ZSCAN5B: variants seen among roughly 807,000 people sequenced by gnomAD.
The protein encoded by ZSCAN5B is zinc finger and SCAN domain-containing protein 5B.
ZSCAN5B carries 26 observed loss-of-function variants against 25.2 expected under a neutral mutation model. That is an observed-to-expected ratio of 1.03 (90% CI 0.76 to 1.43). ZSCAN5B has a LOEUF of 1.43. Among genes scored for constraint, ZSCAN5B ranks in the 40% most tolerant of loss-of-function variants. The pLI is 0.00. For synonymous variants in ZSCAN5B, 244 were observed against 240.9 expected, an observed-to-expected ratio of 1.01 and a Z score of -0.12; for missense variants, 745 against 622.1, an observed-to-expected ratio of 1.20 and a Z score of -2.10.
At position 56,193,265 on chromosome 19, in the gene ZSCAN5B, C is replaced by T. The variant is rs965737784; in HGVS notation, c.-127-86G>A. Reference sequence around the variant, plus strand: ...CCAAATCCCTCATCCCAATCCTGGACCCCACTTGTCCATGGGCATCGGACT... The same window carrying T: ...CCAAATCCCTCATCCCAATCCTGGATCCCACTTGTCCATGGGCATCGGACT... On this transcript the variant is annotated intron_variant, in intron 1 of 4. Coordinates refer to ENST00000586855, the Ensembl canonical transcript of ZSCAN5B. 9 of 552,084 alleles carry T rather than the reference C, an allele frequency of 1.6e-5. 1 individual carries two copies. The highest frequency in any genetic ancestry group is 9.4e-5 in the African/African-American group (5 of 53,284). The allele number at this position is 552,084 out of a possible 1,614,324, so 34.2% of individuals were successfully genotyped here. A position where few individuals can be genotyped will look rare whatever the true frequency, so the allele number is the denominator to read the frequency against.
exon 5 of ZSCAN5B, chr19:56,190,247 T>G (rs377366357): frequency 6.2e-7 from 1 of 1,614,080 alleles, no homozygotes; most frequent in African/African-American, 1.3e-5. Flanking sequence ...ACACGTCACA[T>G]GCAAAGGGCG....
chr19:56,189,956 G>T (rs1399318748), exon 5 of ZSCAN5B: 4 of 1,614,018 alleles, frequency 2.5e-6, no homozygotes, highest in Non-Finnish European at 3.4e-6. Context: ...GAACGTTCAG[G>T]TTCCCCTTGT....
At chr19:56,197,022 C>G (rs1358827939) in intron 1 of ZSCAN5B, among the ~76,000 whole-genome samples, 1 of 152,036 alleles carries the variant, frequency 6.6e-6, no homozygotes, top group East Asian at 1.9e-4. Flanking sequence ...TGTGCTCCTG[C>G]AGCCCCAGCT....
rs1318487280 is a variant in ZSCAN5B at position 56,189,932 on chromosome 19, G to T, written c.1383C>A (p.His461Gln). Residue 461 changes from histidine (H) to glutamine (Q), a missense_variant, in exon 5 of 5, where the codon CAC (histidine) becomes CAA (glutamine). Transcript: ENST00000586855. ...GACATTTGTAGGGCTTCTCTCCGGA[G>T]TGGGTGCGCTGGTGAACGTTCAGGT... is the stretch of plus-strand genomic sequence containing the variant. The T allele has an allele frequency of 1.9e-6, 3 of 1,613,958 alleles. No individual in the cohort carries two copies. The highest frequency in any genetic ancestry group is 3.3e-5 in the Admixed American group (2 of 59,996).
intron 3 of ZSCAN5B, 30 bp downstream of exon 3, chr19:56,191,820 T>C (rs745899396): frequency 1.2e-6 from 2 of 1,608,326 alleles, no homozygotes; most frequent in Non-Finnish European, 1.7e-6. Flanking sequence ...CTCCCACCTC[T>C]GCCCAGACAC....
chr19:56,195,795 G>A (rs943090384), intron 1 of ZSCAN5B, among the ~76,000 whole-genome samples: 7 of 152,118 alleles, frequency 4.6e-5, no homozygotes, highest in Non-Finnish European at 7.3e-5. Flanking sequence ...GTACACTCAC[G>A]TAACAAATCT....
At chr19:56,193,761 G>C (rs942850480) in intron 1 of ZSCAN5B, among the ~76,000 whole-genome samples, 2 of 152,196 alleles carry the variant, frequency 1.3e-5, no homozygotes, top group Admixed American at 6.5e-5. Flanking sequence ...AGGAGATCGA[G>C]ACCATCCTGG....
At chr19:56,192,815 T>C in exon 2 of ZSCAN5B, 1 of 1,612,962 alleles carries the variant, frequency 6.2e-7, no homozygotes, top group Non-Finnish European at 8.5e-7. Context: ...ATCTGCTCTT[T>C]GGTGTGGAGG....
Position 56,197,787 on chromosome 19 carries a change from C to G in ZSCAN5B, c.-181G>C. 2.0e-6 allele frequency: 2 copies of G among 985,362 alleles called. No individual in the cohort carries two copies. Among genetic ancestry groups the G allele is most frequent in the South Asian group, 4.7e-5 (1 of 21,284 alleles). 61.0% of individuals were successfully genotyped at this position (985,362 alleles called of 1,614,324 possible). A position where few individuals can be genotyped will look rare whatever the true frequency, so the allele number is the denominator to read the frequency against. ...CTCGGTCTGGGATGCGCTCTCCAAC[C>G]GGCCTGGAGCTGAACTGCGTCTATT... On this transcript the variant is annotated 5_prime_UTR_variant, in exon 1 of 5. Coordinates refer to ENST00000586855, the Ensembl canonical transcript of ZSCAN5B.
exon 5 of ZSCAN5B, chr19:56,190,456 T>C (rs370488746): frequency 6.2e-7 from 1 of 1,614,116 alleles, no homozygotes; most frequent in Non-Finnish European, 8.5e-7. Context: ...GCATCTCCTC[T>C]GTTCCCGCTG....
At chr19:56,194,018 G>C (rs373534845) in intron 1 of ZSCAN5B, among the ~76,000 whole-genome samples, 2 of 150,992 alleles carry the variant, frequency 1.3e-5, no homozygotes, top group South Asian at 4.2e-4. Context: ...TGGTTGTTTC[G>C]GTAAAACACA....
chr19:56,192,007 T>A (rs2032743158), exon 3 of ZSCAN5B: 1 of 1,613,792 alleles, frequency 6.2e-7, no homozygotes. Context: ...CATCTCGACA[T>A]CTGAGTTCAG....
intron 3 of ZSCAN5B, 46 bp downstream of exon 3, chr19:56,191,804 T>C (rs1426502114): frequency 6.3e-7 from 1 of 1,595,282 alleles, no homozygotes; most frequent in African/African-American, 1.3e-5. Context: ...TTTCCTCCTG[T>C]TCCTTCTCCC....
exon 5 of ZSCAN5B, chr19:56,189,961 C>G: frequency 2.5e-6 from 4 of 1,613,942 alleles, no homozygotes; most frequent in Non-Finnish European, 3.4e-6. Context: ...TTCAGGTTCC[C>G]CTTGTGGCTG....
At chr19:56,190,412 T>C (rs538794260) in exon 5 of ZSCAN5B, 2 of 1,614,170 alleles carry the variant, frequency 1.2e-6, no homozygotes, top group East Asian at 2.2e-5. Flanking sequence ...AGGAGGCATC[T>C]GGTTTGCTTC....
intron 3 of ZSCAN5B, 136 bp from the exon 4 acceptor site, chr19:56,191,123 A>G: frequency 8.4e-7 from 1 of 1,196,530 alleles, no homozygotes; most frequent in Non-Finnish European, 1.2e-6. Context: ...TCACCACCTC[A>G]TTTCTGCGTC....
intron 3 of ZSCAN5B, among the ~76,000 whole-genome samples, chr19:56,191,223 C>T (rs1016180921): frequency 3.3e-4 from 50 of 152,072 alleles, no homozygotes; most frequent in African/African-American, 8.9e-4. Context: ...TTCTCCCCGC[C>T]GTGCCAATGT....
Position 56,189,929 on chromosome 19 carries a change from G to C in ZSCAN5B, c.1386C>G (p.Ser462=). The C allele has an allele frequency of 1.9e-6, 3 of 1,614,002 alleles. No homozygotes were observed. The South Asian group carries it at 3.3e-5, about 18-fold the overall frequency. Reference sequence around the variant, plus strand: ...TGGGACATTTGTAGGGCTTCTCTCCGGAGTGGGTGCGCTGGTGAACGTTCA... The same window carrying C: ...TGGGACATTTGTAGGGCTTCTCTCCCGAGTGGGTGCGCTGGTGAACGTTCA... Residue 462 remains serine, a synonymous_variant, in exon 5 of 5, where the codon TCC becomes TCG. Coordinates refer to ENST00000586855, the Ensembl canonical transcript of ZSCAN5B.
chr19:56,189,929 G>A (rs367702594), exon 5 of ZSCAN5B: 38 of 1,614,002 alleles, frequency 2.4e-5, no homozygotes, highest in East Asian at 6.7e-5. Context: ...GCTTCTCTCC[G>A]GAGTGGGTGC....
Sources: gnomAD v4.1 joint callset for allele counts (sites outside exome capture counted in the v4.1 genomes callset) on GRCh38, gnomAD v4.1.1 for gene constraint, MANE v1.5 for transcripts, NCBI Gene and HGNC (gene_info 2026-07-23, HGNC 2026-07-21) for gene names.